NF1: variants seen among roughly 807,000 people sequenced by gnomAD.
NF1 encodes the protein neurofibromin.
In NF1, 122 loss-of-function variants were observed where a neutral mutation model predicts 325.7. The ratio of observed to expected loss-of-function variants is 0.37; its 90% confidence interval spans 0.32 to 0.44. NF1 has a LOEUF of 0.44. Ranked by LOEUF, NF1 falls within the 20% of genes least tolerant of loss-of-function variation. The probability of loss-of-function intolerance (pLI) is 1.00; values close to 1 mark genes in which losing one functional copy is unlikely to be tolerated. For synonymous variants in NF1, 1,091 were observed against 1,186.0 expected (o/e 0.92, Z 1.65); for missense variants, 2,140 against 3,415.4 (o/e 0.63, Z 9.31).
At chr17:31,353,842 G>A (rs2070210810) in intron 51 of NF1, among the ~76,000 whole-genome samples, 1 of 152,170 alleles carries the variant, frequency 6.6e-6, no homozygotes, top group Non-Finnish European at 1.5e-5. Context: ...AAGGAAATTA[G>A]TGAACAAACA....
intron 1 of NF1, among the ~76,000 whole-genome samples, chr17:31,104,989 C>T (rs898961493): frequency 5.9e-5 from 9 of 152,160 alleles, no homozygotes; most frequent in Admixed American, 3.9e-4. Flanking sequence ...ACCATAGCCT[C>T]GAACTCCTGG....
intron 49 of NF1, 100 bp downstream of exon 49, chr17:31,349,351 A>T (rs1309503021): frequency 1.4e-5 from 17 of 1,226,206 alleles, no homozygotes; most frequent in Middle Eastern, 2.7e-4. Context: ...GTTGCGTGGC[A>T]GAGCAGAAAG....
chr17:31,304,135 G>A lies in NF1; in HGVS notation c.4836-21685G>A, dbSNP rs764603151. 2.2e-4 allele frequency: 204 copies of A among 940,900 alleles called. 3 individuals are homozygous for A. The highest frequency in any genetic ancestry group is 1.6e-3 in the Middle Eastern group (5 of 3,088). The allele number at this position is 940,900 out of a possible 1,614,324, so 58.3% of individuals were successfully genotyped here. A position where few individuals can be genotyped will look rare whatever the true frequency, so the allele number is the denominator to read the frequency against. On this transcript the variant is annotated intron_variant, in intron 36 of 57. Transcript: ENST00000358273. ...TTTCATCTATGCACATAGGCTCTGA[G>A]CAGATTTCAGATAGTTCCTGAATAA...
At chr17:31,372,774 G>C (rs1161559584) in intron 57 of NF1, among the ~76,000 whole-genome samples, 1 of 152,148 alleles carries the variant, frequency 6.6e-6, no homozygotes, top group Non-Finnish European at 1.5e-5. Context: ...CCAGAACTTT[G>C]AGAGGCCAAG....
At chr17:31,127,278 T>C (rs1345469068) in intron 1 of NF1, among the ~76,000 whole-genome samples, 2 of 152,200 alleles carry the variant, frequency 1.3e-5, no homozygotes, top group African/African-American at 4.8e-5. Context: ...ACAGTCAGTT[T>C]ATTGATTTCC....
chr17:31,211,171 G>T (rs2066721767), intron 12 of NF1, among the ~76,000 whole-genome samples: 1 of 152,130 alleles, frequency 6.6e-6, no homozygotes, highest in African/African-American at 2.4e-5. Context: ...AGACATGATT[G>T]CCTCTCATCT....
At chr17:31,271,137 G>T (rs769253056) in intron 36 of NF1, among the ~76,000 whole-genome samples, 1 of 152,160 alleles carries the variant, frequency 6.6e-6, no homozygotes, top group Admixed American at 6.5e-5. Context: ...GTATGCTTGG[G>T]TAAATCTTTG....
At chr17:31,138,741 A>ATTTTTT (rs143773612) in intron 1 of NF1, among the ~76,000 whole-genome samples, 1 of 144,878 alleles carries the variant, frequency 6.9e-6, no homozygotes. Flanking sequence ...CTACAGGCTA[A>ATTTTTT]TTTTTTTTTT....
chr17:31,337,005 C>A, intron 42 of NF1, 91 bp downstream of exon 42: 3 of 1,377,272 alleles, frequency 2.2e-6, no homozygotes, highest in Non-Finnish European at 3.0e-6. Context: ...TATGTTTGTG[C>A]TCTAACACCA....
intron 56 of NF1, 151 bp downstream of exon 56, chr17:31,359,166 C>A: frequency 1.4e-6 from 1 of 691,904 alleles, no homozygotes; most frequent in East Asian, 2.8e-5. Flanking sequence ...TTTCTCATCA[C>A]AAGGTTTTTT....
intron 19 of NF1, 110 bp downstream of exon 19, chr17:31,227,401 G>A (rs1048914389): frequency 8.6e-6 from 12 of 1,401,344 alleles, no homozygotes; most frequent in South Asian, 4.6e-5. Context: ...TCCAAGATAC[G>A]TGCATATTAC....
Position 31,352,294 on chromosome 17 carries a change from G to C in NF1, c.7495G>C (p.Gly2499Arg), listed in dbSNP as rs2070167833. The change falls in exon 51 of 58, where the codon GGT becomes CGT. Residue 2499 changes from glycine (G) to arginine (R), a missense_variant. By Grantham distance (125) the Gly-to-Arg change is moderately radical (BLOSUM62 -2). Transcript: ENST00000358273. ...KETQPWSSPK[G>R]SEGYLAATYP... ...GACTCAGCCATGGTCCTCTCCCAAA[G>C]GTTCTGAAGGATACCTTGCAGCCAC... The C allele has an allele frequency of 6.2e-7, 1 of 1,614,096 alleles. No individual in the cohort carries two copies. The highest frequency in any genetic ancestry group is 1.3e-5 in the African/African-American group (1 of 75,000).
At position 31,374,952 on chromosome 17, in the gene NF1, C is replaced by T. The variant is rs1353110919; in HGVS notation, c.*797C>T. Reference sequence around the variant, plus strand: ...GATTATCTTTTAATTTTTAATTTTGCTAAAGGTGGTTTTTTTGTGTTTTGT... The same window carrying T: ...GATTATCTTTTAATTTTTAATTTTGTTAAAGGTGGTTTTTTTGTGTTTTGT... On this transcript the variant is annotated 3_prime_UTR_variant, in exon 58 of 58. Transcript: ENST00000358273. 4.6e-6 allele frequency: 1 copy of T among 217,732 alleles called. No individual in the cohort carries two copies. Among genetic ancestry groups the T allele is most frequent in the Non-Finnish European group, 9.3e-6 (1 of 108,104 alleles). 13.5% of individuals were successfully genotyped at this position (217,732 alleles called of 1,614,324 possible).
At chr17:31,322,706 A>G (rs1272357888) in intron 36 of NF1, among the ~76,000 whole-genome samples, 1 of 151,966 alleles carries the variant, frequency 6.6e-6, no homozygotes, top group African/African-American at 2.4e-5. Context: ...TTTTTTCTTT[A>G]AAGGAGGCTG....
chr17:31,312,085 G>A (rs1355709067), intron 36 of NF1, among the ~76,000 whole-genome samples: 1 of 151,888 alleles, frequency 6.6e-6, no homozygotes, highest in Non-Finnish European at 1.5e-5. Context: ...GACATTGAAA[G>A]GCATCAGATT....
chr17:31,248,959 G>A, intron 29 of NF1, 25 bp from the exon 30 acceptor site: 1 of 1,612,274 alleles, frequency 6.2e-7, no homozygotes, highest in South Asian at 1.1e-5. Flanking sequence ...AAAAGTGTTA[G>A]GATTTTATTT....
chr17:31,289,691 T>G (rs916032023), intron 36 of NF1, among the ~76,000 whole-genome samples: 12 of 152,214 alleles, frequency 7.9e-5, no homozygotes. Flanking sequence ...TGGGTCATTG[T>G]TTACTTAATT....
intron 57 of NF1, among the ~76,000 whole-genome samples, chr17:31,373,203 G>C (rs894162511): frequency 1.3e-5 from 2 of 152,128 alleles, no homozygotes; most frequent in Non-Finnish European, 2.9e-5. Flanking sequence ...CTTTGGGATA[G>C]GCACTGTGAT....
Position 31,232,671 on chromosome 17 carries a change from A to G in NF1, c.3315-29A>G, listed in dbSNP as rs376178671. ...CTTTCTAGTTGATACGGCCTTCACT[A>G]TGTAAAGGTCAGTCTTTTTATTTCT... On this transcript the variant is annotated intron_variant, in intron 25 of 57. Coordinates refer to ENST00000358273, the MANE Select transcript of NF1 (RefSeq NM_001042492.3). 59 of 1,585,564 alleles carry G rather than the reference A, an allele frequency of 3.7e-5. No homozygotes were observed. The East Asian group carries it at 5.1e-4, about 14-fold the overall frequency.
Sources: gnomAD v4.1 joint callset for allele counts (sites outside exome capture counted in the v4.1 genomes callset) on GRCh38, gnomAD v4.1.1 for gene constraint, MANE v1.5 for transcripts, NCBI Gene and HGNC (gene_info 2026-07-23, HGNC 2026-07-21) for gene names.